The following PCDH15 variants were observed in gnomAD, a reference collection of about 807,000 sequenced individuals.
PCDH15 encodes protocadherin related 15.
A neutral mutation model predicts 178.5 loss-of-function variants in PCDH15; 129 were observed. The observed-to-expected ratio is 0.72, with a 90% CI of 0.63 to 0.84. The LOEUF (loss-of-function observed/expected upper bound fraction) is 0.84, where lower values mean the gene tolerates loss of function less well. Ranked by LOEUF, PCDH15 falls within the 40% of genes least tolerant of loss-of-function variation. The pLI is 0.00. For synonymous variants in PCDH15, 800 were observed against 732.0 expected (o/e 1.09, Z -1.50); for missense variants, 2,230 against 2,099.9 (o/e 1.06, Z -1.21).
At chr10:54,877,491 C>A (rs1376277508) in intron 3 of PCDH15, among the ~76,000 whole-genome samples, 2 of 152,038 alleles carry the variant, frequency 1.3e-5, no homozygotes, top group African/African-American at 4.8e-5. Flanking sequence ...CTAAAGAAAA[C>A]CTCTCTGATG....
intron 1 of PCDH15, among the ~76,000 whole-genome samples, chr10:54,684,155 C>G (rs117661657): frequency 0.015 from 2,211 of 151,882 alleles, 24 homozygotes; most frequent in Non-Finnish European, 0.022. Flanking sequence ...AAAAATTGTC[C>G]TTCAGATATA....
chr10:54,487,058 G>A (rs575423483), intron 3 of PCDH15, among the ~76,000 whole-genome samples: 1 of 151,994 alleles, frequency 6.6e-6, no homozygotes, highest in East Asian at 1.9e-4. Flanking sequence ...TATATATTTG[G>A]GAGGTTCTAT....
At chr10:55,280,006 C>T (rs867961034) in intron 1 of PCDH15, among the ~76,000 whole-genome samples, 9 of 152,202 alleles carry the variant, frequency 5.9e-5, no homozygotes, top group Middle Eastern at 3.4e-3. Flanking sequence ...CAGGGTTCCA[C>T]ATAACATAAG....
intron 1 of PCDH15, among the ~76,000 whole-genome samples, chr10:55,259,357 G>A (rs546945235): frequency 5.9e-5 from 9 of 152,192 alleles, no homozygotes; most frequent in African/African-American, 2.2e-4. Context: ...CTTGGAAAGG[G>A]AAAAGAAAAT....
At chr10:55,277,372 G>T (rs1232595114) in intron 1 of PCDH15, among the ~76,000 whole-genome samples, 2 of 151,892 alleles carry the variant, frequency 1.3e-5, no homozygotes, top group Non-Finnish European at 2.9e-5. Context: ...ATTATCTGTT[G>T]AAAAAGAGGA....
intron 5 of PCDH15, among the ~76,000 whole-genome samples, chr10:54,360,709 C>G (rs1009090175): frequency 2.0e-5 from 3 of 152,004 alleles, no homozygotes; most frequent in Admixed American, 2.0e-4. Context: ...CATCATCATC[C>G]TATCATTCTA....
chr10:54,186,573 C>T (rs17683356), intron 11 of PCDH15, among the ~76,000 whole-genome samples: 12,571 of 151,966 alleles, frequency 0.083, 683 homozygotes, highest in Non-Finnish European at 0.12. Context: ...TCTGTAGTAG[C>T]TTCTATGTTC....
chr10:55,504,690 T>G (rs1840724956), intron 2 of PCDH15, among the ~76,000 whole-genome samples: 1 of 151,368 alleles, frequency 6.6e-6, no homozygotes. Flanking sequence ...TAATAGAGGC[T>G]ATTACTAATG....
intron 2 of PCDH15, among the ~76,000 whole-genome samples, chr10:54,633,241 A>G (rs1320834860): frequency 6.6e-6 from 1 of 152,116 alleles, no homozygotes; most frequent in Non-Finnish European, 1.5e-5. Flanking sequence ...ATTAAAGAGT[A>G]AAGGGGCATC....
chr10:54,538,522 T>A (rs1442602286), intron 2 of PCDH15, among the ~76,000 whole-genome samples: 1 of 152,166 alleles, frequency 6.6e-6, no homozygotes, highest in Non-Finnish European at 1.5e-5. Context: ...AGCCTTAGAG[T>A]ATAGTTTGAA....
chr10:55,136,226 A>G (rs906934369), intron 2 of PCDH15, among the ~76,000 whole-genome samples: 1 of 152,152 alleles, frequency 6.6e-6, no homozygotes, highest in African/African-American at 2.4e-5. Flanking sequence ...CTCTAAGCCT[A>G]CTGCTGAGTA....
intron 2 of PCDH15, among the ~76,000 whole-genome samples, chr10:54,986,291 G>T (rs566501990): frequency 1.3e-5 from 2 of 151,456 alleles, no homozygotes; most frequent in African/African-American, 4.9e-5. Flanking sequence ...AAACATGTAG[G>T]TACCAAGCAA....
chr10:54,383,694 AC>A (rs1949547363), intron 3 of PCDH15, among the ~76,000 whole-genome samples: 1 of 150,908 alleles, frequency 6.6e-6, no homozygotes, highest in Non-Finnish European at 1.5e-5. Context: ...TGGGTAAAAA[AC>A]AATCTTCATA....
chr10:55,288,370 A>G (rs1211584715), intron 1 of PCDH15, among the ~76,000 whole-genome samples: 2 of 151,772 alleles, frequency 1.3e-5, no homozygotes, highest in African/African-American at 2.4e-5. Flanking sequence ...CTAAACCCAC[A>G]TCTAAGCACA....
At chr10:54,083,438 C>T (rs539783823) in intron 16 of PCDH15, among the ~76,000 whole-genome samples, 1 of 152,238 alleles carries the variant, frequency 6.6e-6, no homozygotes, top group South Asian at 2.1e-4. Flanking sequence ...TGGAATATTA[C>T]GTAGCCATGA....
At chr10:53,823,386 T>TAAGGAAAC (rs1231440098) in intron 32 of PCDH15, 7 of 1,594,780 alleles carry the variant, frequency 4.4e-6, no homozygotes, top group Non-Finnish European at 5.2e-6. Flanking sequence ...TAATGAAATG[T>TAAGGAAAC]AAGGAAACAA....
At chr10:55,446,818 G>C (rs1589035750) in intron 2 of PCDH15, among the ~76,000 whole-genome samples, 1 of 152,078 alleles carries the variant, frequency 6.6e-6, no homozygotes, top group African/African-American at 2.4e-5. Context: ...TGAGTCTCTC[G>C]AACTGACTCA....
At chr10:55,175,425 A>C (rs1239610863) in intron 1 of PCDH15, among the ~76,000 whole-genome samples, 1 of 151,966 alleles carries the variant, frequency 6.6e-6, no homozygotes, top group Non-Finnish European at 1.5e-5. Context: ...ACCAGATAGT[A>C]CTTTAGAGGT....
chr10:54,441,924 G>C (rs1238569459), intron 3 of PCDH15, among the ~76,000 whole-genome samples: 1 of 151,602 alleles, frequency 6.6e-6, no homozygotes, highest in East Asian at 1.9e-4. Context: ...GGAGGTTCAA[G>C]AGATGAAACC....
Sources: gnomAD v4.1 joint callset for allele counts (sites outside exome capture counted in the v4.1 genomes callset) on GRCh38, gnomAD v4.1.1 for gene constraint, MANE v1.5 for transcripts, NCBI Gene and HGNC (gene_info 2026-07-23, HGNC 2026-07-21) for gene names.